The following PTN variants were observed in gnomAD, a reference collection of about 807,000 sequenced individuals.
PTN encodes the protein heparin affin regulatory protein.
A neutral mutation model predicts 24.1 loss-of-function variants in PTN; 18 were observed. The observed-to-expected ratio is 0.75, with a 90% confidence interval of 0.52 to 1.11. The LOEUF (loss-of-function observed/expected upper bound fraction) is 1.11, where lower values mean the gene tolerates loss of function less well. Ranked by LOEUF, PTN falls within the 50% of genes least tolerant of loss-of-function variation. The pLI is 0.00. For synonymous variants in PTN, 78 were observed against 68.6 expected (o/e 1.14, Z -0.67); for missense variants, 163 against 198.8 (o/e 0.82, Z 1.08).
At chr7:137,262,932 T>G (rs934504624) in intron 1 of PTN, among the ~76,000 whole-genome samples, 23 of 152,324 alleles carry the variant, frequency 1.5e-4, no homozygotes, top group South Asian at 1.5e-3. Context: ...GCTACCTGCC[T>G]TTTGTTTCTC....
chr7:137,307,351 G>A (rs1809906208), intron 1 of PTN, among the ~76,000 whole-genome samples: 1 of 152,026 alleles, frequency 6.6e-6, no homozygotes, highest in Admixed American at 6.6e-5. Context: ...TTACCACTGA[G>A]TTTCCAATCC....
chr7:137,235,010 A>T (rs1808495180), intron 4 of PTN, among the ~76,000 whole-genome samples: 1 of 152,084 alleles, frequency 6.6e-6, no homozygotes, highest in South Asian at 2.1e-4. Context: ...AGCTAAAATC[A>T]TTCAGAAATG....
At chr7:137,304,973 A>G (rs370597756) in intron 1 of PTN, among the ~76,000 whole-genome samples, 72 of 152,188 alleles carry the variant, frequency 4.7e-4, no homozygotes, top group African/African-American at 1.7e-3. Flanking sequence ...TAGACTACTC[A>G]TGCAGCTAGT....
intron 1 of PTN, among the ~76,000 whole-genome samples, chr7:137,297,290 C>A (rs996855810): frequency 3.9e-5 from 6 of 152,058 alleles, no homozygotes; most frequent in Non-Finnish European, 8.8e-5. Context: ...CCATTGCATA[C>A]GTGGAGGTGG....
chr7:137,239,909 G>A (rs1339040021), intron 4 of PTN, among the ~76,000 whole-genome samples: 1 of 152,104 alleles, frequency 6.6e-6, no homozygotes, highest in African/African-American at 2.4e-5. Flanking sequence ...TTTGGGAAGG[G>A]AAGTCTGGCA....
At chr7:137,339,706 A>C (rs1810505221) in intron 1 of PTN, among the ~76,000 whole-genome samples, 1 of 152,302 alleles carries the variant, frequency 6.6e-6, no homozygotes, top group South Asian at 2.1e-4. Flanking sequence ...ATCCGTACAT[A>C]GAGAAATGTA....
At chr7:137,231,148 T>A (rs2128867231) in intron 4 of PTN, among the ~76,000 whole-genome samples, 1 of 152,068 alleles carries the variant, frequency 6.6e-6, no homozygotes, top group Non-Finnish European at 1.5e-5. Flanking sequence ...GTGCAGTTTC[T>A]ACTCTCTGTT....
chr7:137,310,812 T>A (rs1037187885), intron 1 of PTN, among the ~76,000 whole-genome samples: 28 of 152,330 alleles, frequency 1.8e-4, no homozygotes, highest in Non-Finnish European at 3.8e-4. Flanking sequence ...AGGTTCTACA[T>A]CAGCATTTGC....
chr7:137,341,664 C>T (rs1421946684), intron 1 of PTN, among the ~76,000 whole-genome samples: 1 of 152,058 alleles, frequency 6.6e-6, no homozygotes, highest in Non-Finnish European at 1.5e-5. Context: ...GAACACAGCA[C>T]CTAATGCTGT....
At chr7:137,334,975 T>C (rs1810421611) in intron 1 of PTN, among the ~76,000 whole-genome samples, 1 of 136,806 alleles carries the variant, frequency 7.3e-6, no homozygotes, top group South Asian at 2.3e-4. Context: ...TTCTCACTCA[T>C]AGGTGAGAAT....
chr7:137,247,311 T>C lies in PTN; in HGVS notation c.451+3919A>G, dbSNP rs115512966. 1.7e-3 allele frequency among the ~76,000 whole-genome samples: 263 copies of C among 152,312 alleles called. 3 individuals carry two copies. The highest frequency in any genetic ancestry group is 5.8e-3 in the African/African-American group (243 of 41,578). Reference sequence around the variant, plus strand: ...ACAGATAAAGAAAATGTGGTACATATACATAACGGAGTACAATTCAGCCAT... The same window carrying C: ...ACAGATAAAGAAAATGTGGTACATACACATAACGGAGTACAATTCAGCCAT... On this transcript the variant is annotated intron_variant, in intron 4 of 4. Coordinates refer to ENST00000348225, the MANE Select transcript of PTN (RefSeq NM_002825.7).
intron 4 of PTN, among the ~76,000 whole-genome samples, chr7:137,240,029 C>G (rs1240563645): frequency 6.6e-6 from 1 of 152,144 alleles, no homozygotes; most frequent in Non-Finnish European, 1.5e-5. Context: ...TGGCTAGCCC[C>G]TTCTCTCTCT....
At chr7:137,241,809 G>A (rs1483304779) in intron 4 of PTN, among the ~76,000 whole-genome samples, 1 of 152,152 alleles carries the variant, frequency 6.6e-6, no homozygotes, top group Non-Finnish European at 1.5e-5. Context: ...TGATCAAGAG[G>A]AACAGAATTC....
chr7:137,304,467 A>G (rs1232834059), intron 1 of PTN, among the ~76,000 whole-genome samples: 1 of 151,924 alleles, frequency 6.6e-6, no homozygotes, highest in Non-Finnish European at 1.5e-5. Context: ...AAAAAGAGAG[A>G]GAAAAAGATG....
In PTN at chr7:137,248,859, A is replaced by C. The variant is rs562923265; in HGVS notation, c.451+2371T>G. Among the ~76,000 whole-genome samples the C allele has an allele frequency of 5.3e-5, 8 of 152,286 alleles. No homozygotes were observed. In the South Asian group the frequency reaches 1.7e-3, roughly 32 times the overall value. On this transcript the variant is annotated intron_variant, in intron 4 of 4. Transcript: ENST00000348225. ...CATAACTGGTAGTTTGAAACATAGAATCACTCATAGTAATCATATTTTCAA... is the reference window on the plus strand; with the variant it reads ...CATAACTGGTAGTTTGAAACATAGACTCACTCATAGTAATCATATTTTCAA...
chr7:137,277,579 A>C (rs1809381361), intron 1 of PTN, among the ~76,000 whole-genome samples: 1 of 152,118 alleles, frequency 6.6e-6, no homozygotes, highest in African/African-American at 2.4e-5. Flanking sequence ...CAAGAAAAAA[A>C]AATTTTTTGA....
At chr7:137,307,207 T>C (rs980157897) in intron 1 of PTN, among the ~76,000 whole-genome samples, 3 of 152,156 alleles carry the variant, frequency 2.0e-5, no homozygotes, top group East Asian at 1.9e-4. Context: ...TTCTTATTCT[T>C]GTCCCTCCTC....
intron 4 of PTN, 60 bp downstream of exon 4, chr7:137,251,170 T>C: frequency 6.4e-7 from 1 of 1,571,822 alleles, no homozygotes; most frequent in Admixed American, 1.7e-5. Context: ...ATGTGGGTTT[T>C]CCAGATCTTA....
chr7:137,340,453 G>A (rs528367528), intron 1 of PTN, among the ~76,000 whole-genome samples: 1 of 152,278 alleles, frequency 6.6e-6, no homozygotes, highest in Admixed American at 6.5e-5. Flanking sequence ...AGCCCAGTGG[G>A]TGGAAACTTG....
Sources: gnomAD v4.1 joint callset for allele counts (sites outside exome capture counted in the v4.1 genomes callset) on GRCh38, gnomAD v4.1.1 for gene constraint, MANE v1.5 for transcripts, NCBI Gene and HGNC (gene_info 2026-07-23, HGNC 2026-07-21) for gene names.